Variants in ESRRG observed in about 807,000 individuals in gnomAD.
The protein encoded by ESRRG is estrogen related receptor gamma, also known as estrogen-related receptor gamma.
ESRRG carries 13 observed loss-of-function variants against 44.0 expected under a neutral mutation model. The observed-to-expected ratio is 0.30, with a 90% CI of 0.19 to 0.47. ESRRG has a LOEUF of 0.47. Ranked by LOEUF, ESRRG falls within the 20% of genes least tolerant of loss-of-function variation. The pLI is 1.00. For synonymous variants in ESRRG, 215 were observed against 214.6 expected (o/e 1.00, Z -0.02); for missense variants, 395 against 580.6 (o/e 0.68, Z 3.29).
chr1:216,697,212 C>T lies in ESRRG; in HGVS notation c.57-19721G>A, dbSNP rs141947913. On this transcript the variant is annotated intron_variant, in intron 1 of 6. Coordinates refer to ENST00000408911, the MANE Select transcript of ESRRG (RefSeq NM_001438.4). ...AACTCCTGACCTCAAGTGATCCACC[C>T]GCCTTGGCCTCCCAAAGTGCTGGAA... 9.7e-3 allele frequency among the ~76,000 whole-genome samples: 1,473 copies of T among 152,228 alleles called. 20 individuals are homozygous for T. The highest frequency in any genetic ancestry group is 0.034 in the African/African-American group (1,394 of 41,530).
At chr1:216,949,848 T>C (rs969054176) in intron 1 of ESRRG, among the ~76,000 whole-genome samples, 3 of 151,902 alleles carry the variant, frequency 2.0e-5, no homozygotes, top group African/African-American at 7.3e-5. Flanking sequence ...AGTCTTGATC[T>C]GTCACCCAGG....
intron 3 of ESRRG, among the ~76,000 whole-genome samples, chr1:216,629,598 A>T (rs569003165): frequency 6.6e-6 from 1 of 152,346 alleles, no homozygotes; most frequent in Admixed American, 6.5e-5. Flanking sequence ...TCAAGTGTGT[A>T]GATGCTGCAA....
chr1:216,561,457 T>G, intron 5 of ESRRG, among the ~76,000 whole-genome samples: 1 of 152,154 alleles, frequency 6.6e-6, no homozygotes, highest in East Asian at 1.9e-4. Context: ...TGGCTTTAAT[T>G]CCGGCTATGA....
At chr1:217,039,337 T>G (rs1348309774) in intron 1 of ESRRG, among the ~76,000 whole-genome samples, 2 of 152,202 alleles carry the variant, frequency 1.3e-5, no homozygotes, top group Non-Finnish European at 2.9e-5. Flanking sequence ...TGCGTTTTCA[T>G]GCTGCTGATA....
chr1:217,092,476 C>A (rs1245396259), upstream of ESRRG, among the ~76,000 whole-genome samples: 2 of 152,132 alleles, frequency 1.3e-5, no homozygotes, highest in Non-Finnish European at 2.9e-5. Context: ...GTAATTTGCT[C>A]AAAATTACAC....
intron 2 of ESRRG, among the ~76,000 whole-genome samples, chr1:216,911,065 A>G (rs1472637211): frequency 6.6e-6 from 1 of 152,184 alleles, no homozygotes; most frequent in Non-Finnish European, 1.5e-5. Flanking sequence ...ACATCATCTT[A>G]TCTTGTAGGC....
chr1:216,740,138 C>G (rs1257096685), intron 2 of ESRRG, among the ~76,000 whole-genome samples: 2 of 152,130 alleles, frequency 1.3e-5, no homozygotes, highest in African/African-American at 4.8e-5. Context: ...TCTCTAAATT[C>G]TCTATTTTGA....
At position 216,940,985 on chromosome 1, in the gene ESRRG, T is replaced by A. The variant is rs1166267686; in HGVS notation, c.-105-1312A>T. Among the ~76,000 whole-genome samples the A allele has an allele frequency of 2.0e-5, 3 of 152,070 alleles. No homozygotes were observed. The East Asian group carries it at 5.8e-4, about 29-fold the overall frequency. On this transcript the variant is annotated intron_variant, in intron 1 of 7. Coordinates refer to the ESRRG transcript ENST00000359162. ...CAACTAAGACAAGAGAACGAGGAGG[T>A]TTCTAGTGTAGGCTGGAATTTGACA... is the stretch of plus-strand genomic sequence containing the variant.
chr1:216,892,323 A>G (rs2057909224), intron 2 of ESRRG, among the ~76,000 whole-genome samples: 1 of 152,050 alleles, frequency 6.6e-6, no homozygotes, highest in African/African-American at 2.4e-5. Flanking sequence ...CTCCCTAGAG[A>G]TCTGTTTATT....
chr1:216,844,841 C>T (rs779367242), intron 2 of ESRRG, among the ~76,000 whole-genome samples: 1 of 152,064 alleles, frequency 6.6e-6, no homozygotes, highest in Non-Finnish European at 1.5e-5. Context: ...CACTCAAAAA[C>T]AATGACTGTA....
chr1:216,704,407 G>A (rs1280442075), intron 1 of ESRRG, among the ~76,000 whole-genome samples: 2 of 152,036 alleles, frequency 1.3e-5, no homozygotes, highest in Admixed American at 1.3e-4. Flanking sequence ...ATCCCAGCTA[G>A]TTGGGAGACT....
chr1:216,617,466 G>A (rs1558837109), intron 3 of ESRRG, among the ~76,000 whole-genome samples: 1 of 149,936 alleles, frequency 6.7e-6, no homozygotes, highest in Admixed American at 6.7e-5. Flanking sequence ...AGGCATATTA[G>A]ATGTAACATT....
chr1:216,677,023 A>C (rs1011211888), intron 2 of ESRRG, 53 bp downstream of exon 2: 31 of 1,383,102 alleles, frequency 2.2e-5, no homozygotes, highest in Middle Eastern at 4.0e-4. Flanking sequence ...AAAAACAAAA[A>C]CCCATCATGT....
At chr1:217,056,885 G>A (rs1339208) in intron 1 of ESRRG, among the ~76,000 whole-genome samples, 52,716 of 151,722 alleles carry the variant, frequency 0.35, 9,535 homozygotes, top group East Asian at 0.65. Flanking sequence ...ATTGGGTATC[G>A]ATGGACCTGA....
chr1:216,700,366 A>G (rs73092170), intron 1 of ESRRG, among the ~76,000 whole-genome samples: 3,233 of 152,308 alleles, frequency 0.021, 122 homozygotes, highest in African/African-American at 0.071. Flanking sequence ...AGTACTTTCT[A>G]AGCATTTTAT....
At position 216,916,834 on chromosome 1, in the gene ESRRG, C is replaced by CTTTTTTTTTTTT. The variant is rs749847047; in HGVS notation, c.-14+22736_-14+22747dup. Among the ~76,000 whole-genome samples the CTTTTTTTTTTTT allele has an allele frequency of 1.9e-4, 12 of 62,478 alleles. 1 individual carries two copies. Among genetic ancestry groups the CTTTTTTTTTTTT allele is most frequent in the Non-Finnish European group, 2.8e-4 (10 of 35,816 alleles). The allele number at this position is 62,478 out of a possible 152,430, so 41.0% of individuals were successfully genotyped here. On this transcript the variant is annotated intron_variant, in intron 2 of 7. Transcript: ENST00000359162. The stretch of plus-strand genomic sequence containing the variant: ...GGTTCAAATTCCACTCAGCTTTGGT[C>CTTTTTTTTTTTT]TTTTTTTTTTTTTTTTTTTTTTTTT...
At chr1:216,523,878 C>T (rs1182847934) in intron 5 of ESRRG, among the ~76,000 whole-genome samples, 2 of 151,162 alleles carry the variant, frequency 1.3e-5, no homozygotes. Context: ...TTTTCAACAA[C>T]TAGCATATCA....
chr1:216,522,347 T>C (rs1209526202), intron 5 of ESRRG, among the ~76,000 whole-genome samples: 1 of 141,488 alleles, frequency 7.1e-6, no homozygotes, highest in Admixed American at 7.9e-5. Flanking sequence ...TTGATTGATA[T>C]CCTCAAGTAT....
chr1:216,748,213 G>T (rs1334245023), intron 2 of ESRRG, among the ~76,000 whole-genome samples: 1 of 152,116 alleles, frequency 6.6e-6, no homozygotes, highest in Non-Finnish European at 1.5e-5. Context: ...CTCAGAACAG[G>T]TTACAAGTAT....
Sources: allele counts gnomAD v4.1 joint callset (sites outside exome capture counted in the v4.1 genomes callset), GRCh38; gene constraint gnomAD v4.1.1; transcripts MANE v1.5; gene names NCBI Gene and HGNC (gene_info 2026-07-23, HGNC 2026-07-21).